The following ADARB2 variants were observed in gnomAD, a reference collection of about 807,000 sequenced individuals.
ADARB2 encodes the protein inactive double-stranded RNA-specific editase B2.
Under a neutral mutation model 62.2 loss-of-function variants are expected in ADARB2, and 25 were observed. The ratio of observed to expected loss-of-function variants is 0.40; its 90% CI spans 0.29 to 0.56. The LOEUF (loss-of-function observed/expected upper bound fraction) is 0.56. ADARB2 is among the 20% of genes least tolerant of loss of function. The probability of loss-of-function intolerance (pLI) is 0.43; values close to 1 mark genes in which losing one functional copy is unlikely to be tolerated. For synonymous variants in ADARB2, 572 were observed against 500.8 expected (o/e 1.14, Z -1.90); for missense variants, 1,071 against 1,077.4 (o/e 0.99, Z 0.08).
chr10:1,256,594 A>G (rs1277919029), intron 4 of ADARB2, among the ~76,000 whole-genome samples: 1 of 152,216 alleles, frequency 6.6e-6, no homozygotes, highest in African/African-American at 2.4e-5. Context: ...TTGGGGTAGG[A>G]TACCACATAT....
chr10:1,715,404 A>T (rs190500076), intron 1 of ADARB2, among the ~76,000 whole-genome samples: 244 of 152,280 alleles, frequency 1.6e-3, no homozygotes, highest in African/African-American at 5.4e-3. Context: ...TGTGTTTTTA[A>T]TATTTGTTTT....
intron 1 of ADARB2, among the ~76,000 whole-genome samples, chr10:1,607,973 G>A (rs1015940825): frequency 1.3e-5 from 2 of 152,214 alleles, no homozygotes; most frequent in Non-Finnish European, 2.9e-5. Flanking sequence ...CCACACAACA[G>A]TGTGCAAGGG....
At chr10:1,480,945 T>G (rs766672536) in intron 1 of ADARB2, among the ~76,000 whole-genome samples, 3 of 152,200 alleles carry the variant, frequency 2.0e-5, no homozygotes, top group Non-Finnish European at 2.9e-5. Flanking sequence ...AGGACTTTTT[T>G]TCAGAAATAG....
rs1254827229 is a variant in ADARB2 at position 1,267,173 on chromosome 10, G to GT, written c.1192+3781dup. ...AAAAACCTTTCCCCCTCCCGGGTAG[G>GT]TGTGGGTGCTGGTCACTGCAGAGAA... On this transcript the variant is annotated intron_variant, in intron 4 of 9. Transcript: ENST00000381312. 2.0e-5 allele frequency among the ~76,000 whole-genome samples: 3 copies of GT among 151,614 alleles called. No homozygotes were observed. In the East Asian group the frequency reaches 5.8e-4, roughly 29 times the overall value.
intron 1 of ADARB2, among the ~76,000 whole-genome samples, chr10:1,386,155 T>C (rs1217276571): frequency 6.6e-6 from 1 of 151,852 alleles, no homozygotes; most frequent in Non-Finnish European, 1.5e-5. Flanking sequence ...TCTAGATCAG[T>C]CACTAAAAAT....
intron 1 of ADARB2, among the ~76,000 whole-genome samples, chr10:1,594,227 G>C (rs1339908905): frequency 1.3e-5 from 2 of 152,148 alleles, no homozygotes; most frequent in Non-Finnish European, 2.9e-5. Context: ...GGAGGCAGAG[G>C]TTGCAGGGAC....
chr10:1,691,495 C>T (rs1287860555), intron 1 of ADARB2, among the ~76,000 whole-genome samples: 1 of 152,194 alleles, frequency 6.6e-6, no homozygotes, highest in African/African-American at 2.4e-5. Flanking sequence ...GCAGAGACTG[C>T]TGGCTACAGG....
intron 1 of ADARB2, among the ~76,000 whole-genome samples, chr10:1,558,666 C>G (rs12769051): frequency 0.07 from 1,481 of 21,250 alleles, 81 homozygotes; most frequent in East Asian, 0.15. Context: ...CTCAGCACCC[C>G]CATGCCCCAT....
intron 1 of ADARB2, among the ~76,000 whole-genome samples, chr10:1,615,247 C>T (rs1471674442): frequency 6.6e-6 from 1 of 152,218 alleles, no homozygotes. Context: ...CCACTGCCTG[C>T]CCCACCTTGG....
intron 1 of ADARB2, among the ~76,000 whole-genome samples, chr10:1,515,955 C>A (rs1406379442): frequency 6.6e-6 from 1 of 152,228 alleles, no homozygotes; most frequent in Non-Finnish European, 1.5e-5. Context: ...ATGGAGTGTG[C>A]AGTGCTAAGA....
chr10:1,636,177 G>T (rs554539250), intron 1 of ADARB2, among the ~76,000 whole-genome samples: 48 of 152,076 alleles, frequency 3.2e-4, no homozygotes, highest in Non-Finnish European at 5.9e-4. Flanking sequence ...ATAAAGCAAG[G>T]CTGGGAGAAA....
intron 4 of ADARB2, among the ~76,000 whole-genome samples, chr10:1,242,747 T>G (rs1203123684): frequency 1.3e-5 from 2 of 152,182 alleles, no homozygotes; most frequent in Non-Finnish European, 2.9e-5. Context: ...CAGGAGCTGA[T>G]GAACCCTTCA....
intron 1 of ADARB2, among the ~76,000 whole-genome samples, chr10:1,642,536 C>A (rs1467152036): frequency 1.3e-5 from 2 of 152,124 alleles, no homozygotes; most frequent in Non-Finnish European, 2.9e-5. Flanking sequence ...CCAATCAGAT[C>A]ATTTGATCAG....
At chr10:1,277,918 G>T (rs1290124435) in intron 3 of ADARB2, among the ~76,000 whole-genome samples, 1 of 151,698 alleles carries the variant, frequency 6.6e-6, no homozygotes, top group Non-Finnish European at 1.5e-5. Context: ...GATCAAGTGG[G>T]CTTCTTTCTT....
chr10:1,311,573 C>A (rs1211922341), intron 3 of ADARB2, among the ~76,000 whole-genome samples: 1 of 152,202 alleles, frequency 6.6e-6, no homozygotes, highest in Non-Finnish European at 1.5e-5. Flanking sequence ...GAAGACCTGG[C>A]CAAGGCGCCT....
At chr10:1,720,212 A>T (rs1835072955) in intron 1 of ADARB2, among the ~76,000 whole-genome samples, 2 of 152,316 alleles carry the variant, frequency 1.3e-5, no homozygotes, top group South Asian at 2.1e-4. Context: ...GAATAAAATC[A>T]TGTTCTTTGC....
At chr10:1,576,853 G>T (rs1189131750) in intron 1 of ADARB2, among the ~76,000 whole-genome samples, 1 of 135,900 alleles carries the variant, frequency 7.4e-6, no homozygotes, top group African/African-American at 2.9e-5. Flanking sequence ...GATTCAGTCT[G>T]CTGTGTGGCC....
At chr10:1,554,894 C>A (rs1481525930) in intron 1 of ADARB2, among the ~76,000 whole-genome samples, 1 of 152,080 alleles carries the variant, frequency 6.6e-6, no homozygotes, top group East Asian at 1.9e-4. Context: ...TCCCCCTGCC[C>A]CCTCCCAGGG....
At chr10:1,736,211 C>A (rs1405630561) in intron 1 of ADARB2, among the ~76,000 whole-genome samples, 1 of 152,194 alleles carries the variant, frequency 6.6e-6, no homozygotes, top group African/African-American at 2.4e-5. Context: ...TCTTTTAATT[C>A]TTCCTGGCAT....
Sources: gnomAD v4.1 joint callset for allele counts (sites outside exome capture counted in the v4.1 genomes callset) on GRCh38, gnomAD v4.1.1 for gene constraint, MANE v1.5 for transcripts, NCBI Gene and HGNC (gene_info 2026-07-23, HGNC 2026-07-21) for gene names.